The following SEMA6D variants were observed in gnomAD, a reference collection of about 807,000 sequenced individuals.
The protein encoded by SEMA6D is semaphorin 6D.
SEMA6D carries 35 observed loss-of-function variants against 106.6 expected under a neutral mutation model. The observed-to-expected ratio is 0.33, with a 90% CI of 0.25 to 0.44. SEMA6D has a LOEUF of 0.44. Ranked by LOEUF, SEMA6D falls within the 20% of genes least tolerant of loss-of-function variation. The probability of loss-of-function intolerance (pLI) is 1.00; values close to 1 mark genes in which losing one functional copy is unlikely to be tolerated. For synonymous variants in SEMA6D, 499 were observed against 487.7 expected (o/e 1.02, Z -0.31); for missense variants, 1,185 against 1,345.9 (o/e 0.88, Z 1.87).
intron 1 of SEMA6D, among the ~76,000 whole-genome samples, chr15:47,739,983 A>G (rs768274825): frequency 6.6e-6 from 1 of 152,104 alleles, no homozygotes; most frequent in East Asian, 1.9e-4. Context: ...ATTATTTTCT[A>G]CTTTTAATAG....
intron 3 of SEMA6D, among the ~76,000 whole-genome samples, chr15:47,519,827 T>G (rs928204191): frequency 6.6e-6 from 1 of 152,216 alleles, no homozygotes; most frequent in African/African-American, 2.4e-5. Context: ...CAAGGATGAT[T>G]GATGTGAGGC....
intron 3 of SEMA6D, among the ~76,000 whole-genome samples, chr15:47,582,054 A>T (rs1305134164): frequency 1.3e-5 from 2 of 152,250 alleles, no homozygotes; most frequent in African/African-American, 4.8e-5. Context: ...AGTCCAGTTT[A>T]ATCAGGCTAT....
rs16959699 is a variant in SEMA6D at position 47,579,587 on chromosome 15, A to G, written c.-86-21278A>G. ...TCTGTGCTTTGCTTCATAAAACCAT[A>G]TGCATCATTTTGCTTGTATTAAATA... On this transcript the variant is annotated intron_variant, in intron 3 of 19. Coordinates refer to the SEMA6D transcript ENST00000558014. Among the ~76,000 whole-genome samples, 192 of 152,272 alleles carry G rather than the reference A, an allele frequency of 1.3e-3. 1 individual carries two copies. The highest frequency in any genetic ancestry group is 4.5e-3 in the African/African-American group (185 of 41,548).
intron 1 of SEMA6D, among the ~76,000 whole-genome samples, chr15:47,306,830 C>T (rs1295173407): frequency 2.6e-5 from 4 of 152,178 alleles, no homozygotes; most frequent in Admixed American, 1.3e-4. Context: ...TATACATATC[C>T]TTCTTAGTAT....
chr15:47,309,278 C>T (rs868720726), intron 1 of SEMA6D, among the ~76,000 whole-genome samples: 5 of 152,234 alleles, frequency 3.3e-5, no homozygotes, highest in South Asian at 2.1e-4. Context: ...TTCTGAGTAG[C>T]GTGATGAAAT....
At chr15:47,688,564 T>C (rs2078519205) in intron 4 of SEMA6D, among the ~76,000 whole-genome samples, 2 of 152,142 alleles carry the variant, frequency 1.3e-5, no homozygotes, top group Non-Finnish European at 2.9e-5. Context: ...TATGAAAAGA[T>C]CAGATAAATG....
Position 47,499,416 on chromosome 15 carries a change from C to A in SEMA6D, c.-87+28871C>A, listed in dbSNP as rs577217559. 5.3e-5 allele frequency among the ~76,000 whole-genome samples: 8 copies of A among 152,204 alleles called. No homozygotes were observed. In the South Asian group the frequency reaches 1.7e-3, roughly 32 times the overall value. ...GACCAGCCCCAAGATTTATGTTAAACATTTATGTTATTTGTATCAAAAATT... is the reference window on the plus strand; with the variant it reads ...GACCAGCCCCAAGATTTATGTTAAAAATTTATGTTATTTGTATCAAAAATT... On this transcript the variant is annotated intron_variant, in intron 3 of 19. Transcript: ENST00000558014.
chr15:47,593,815 G>A (rs72735803), intron 3 of SEMA6D, among the ~76,000 whole-genome samples: 26,297 of 152,084 alleles, frequency 0.17, 2,636 homozygotes, highest in African/African-American at 0.25. Context: ...GGCTGGAGTG[G>A]AAGCAAGAAA....
chr15:47,592,382 T>C (rs2076455012), intron 3 of SEMA6D, among the ~76,000 whole-genome samples: 2 of 152,212 alleles, frequency 1.3e-5, no homozygotes, highest in Non-Finnish European at 2.9e-5. Flanking sequence ...ATATGAATTT[T>C]TCAGACTCAG....
chr15:47,645,603 C>T (rs2077568307), intron 4 of SEMA6D, among the ~76,000 whole-genome samples: 1 of 151,996 alleles, frequency 6.6e-6, no homozygotes, highest in South Asian at 2.1e-4. Context: ...CAAGCAGTAC[C>T]TCAGCGGACA....
intron 2 of SEMA6D, among the ~76,000 whole-genome samples, chr15:47,437,640 A>G (rs2041761988): frequency 6.6e-6 from 1 of 152,122 alleles, no homozygotes; most frequent in African/African-American, 2.4e-5. Context: ...AACCTCCTGG[A>G]CTGGCCCTTA....
chr15:47,422,167 C>CCTGCCTGCCT (rs1567068351), intron 2 of SEMA6D, among the ~76,000 whole-genome samples: 150 of 64,434 alleles, frequency 2.3e-3, no homozygotes, highest in African/African-American at 6.2e-3. Flanking sequence ...ATTTTTTGCC[C>CCTGCCTGCCT]GCCCGCCTGC....
chr15:47,333,450 G>A (rs559339416), intron 1 of SEMA6D, among the ~76,000 whole-genome samples: 1 of 152,140 alleles, frequency 6.6e-6, no homozygotes, highest in South Asian at 2.1e-4. Context: ...AGATCAAAAG[G>A]CCATACAAAA....
At chr15:47,261,253 G>T (rs1488489186) in intron 1 of SEMA6D, among the ~76,000 whole-genome samples, 2 of 152,076 alleles carry the variant, frequency 1.3e-5, no homozygotes, top group Non-Finnish European at 2.9e-5. Context: ...CAAGATAGAA[G>T]GAACCACATC....
intron 3 of SEMA6D, among the ~76,000 whole-genome samples, chr15:47,479,659 G>C (rs1479821957): frequency 6.6e-6 from 1 of 151,936 alleles, no homozygotes. Context: ...GACTTAATTG[G>C]AATATCTTTT....
At chr15:47,211,880 A>G (rs1362869291) in intron 1 of SEMA6D, among the ~76,000 whole-genome samples, 2 of 152,152 alleles carry the variant, frequency 1.3e-5, no homozygotes, top group Non-Finnish European at 1.5e-5. Flanking sequence ...TTTAATAATT[A>G]GCTCTCCTGA....
chr15:47,291,068 A>G (rs543741428), intron 1 of SEMA6D, among the ~76,000 whole-genome samples: 1 of 152,332 alleles, frequency 6.6e-6, no homozygotes, highest in African/African-American at 2.4e-5. Flanking sequence ...CATTCAGAGT[A>G]ATAGAAGAAA....
intron 4 of SEMA6D, among the ~76,000 whole-genome samples, chr15:47,648,049 T>C (rs1348201701): frequency 6.6e-6 from 1 of 152,210 alleles, no homozygotes; most frequent in Non-Finnish European, 1.5e-5. Context: ...TTATATGTAA[T>C]ATACACCCAC....
At chr15:47,492,741 T>A (rs1416029938) in intron 3 of SEMA6D, among the ~76,000 whole-genome samples, 1 of 152,166 alleles carries the variant, frequency 6.6e-6, no homozygotes, top group Non-Finnish European at 1.5e-5. Flanking sequence ...AGGGGTTTTA[T>A]GGAGGAAGCA....
Sources: gnomAD v4.1 joint callset for allele counts (sites outside exome capture counted in the v4.1 genomes callset) on GRCh38, gnomAD v4.1.1 for gene constraint, MANE v1.5 for transcripts, NCBI Gene and HGNC (gene_info 2026-07-23, HGNC 2026-07-21) for gene names.